PRSS36: variants seen among roughly 807,000 people sequenced by gnomAD.
The protein encoded by PRSS36 is serine protease 36, also known as polyserase-2.
Under a neutral mutation model 94.3 loss-of-function variants are expected in PRSS36, and 90 were observed. The ratio of observed to expected loss-of-function variants is 0.95; its 90% CI spans 0.80 to 1.14. The LOEUF (loss-of-function observed/expected upper bound fraction) is 1.14. Ranked by LOEUF, PRSS36 falls within the 50% of genes most tolerant of loss-of-function variation. The probability of loss-of-function intolerance (pLI) is 0.00; values close to 1 mark genes in which losing one functional copy is unlikely to be tolerated. For missense variants in PRSS36, 1,158 were observed against 1,135.0 expected, an observed-to-expected ratio of 1.02 and a Z score of -0.29; for synonymous variants, 500 against 489.6, an observed-to-expected ratio of 1.02 and a Z score of -0.28.
intron 1 of PRSS36, 98 bp downstream of exon 1, chr16:31,149,901 C>T (rs770385805): frequency 5.8e-6 from 9 of 1,549,078 alleles, no homozygotes; most frequent in Non-Finnish European, 8.0e-6. Context: ...TTCTCTCTGA[C>T]TTCCTGCTCC....
chr16:31,141,116 G>A (rs1050683950), intron 12 of PRSS36, among the ~76,000 whole-genome samples: 1 of 152,120 alleles, frequency 6.6e-6, no homozygotes, highest in Non-Finnish European at 1.5e-5. Context: ...TAGTAGAGGG[G>A]TTTCACCATG....
chr16:31,148,284 TC>T, intron 5 of PRSS36, 110 bp downstream of exon 5: 1 of 1,213,584 alleles, frequency 8.2e-7, no homozygotes, highest in South Asian at 1.6e-5. Flanking sequence ...CCTCCAACGC[TC>T]CCCGCAGGCT....
chr16:31,149,048 G>A lies in PRSS36; in HGVS notation c.272+25C>T, dbSNP rs146320905. 10 of 1,562,510 alleles carry A rather than the reference G, an allele frequency of 6.4e-6. No individual in the cohort carries two copies. In the African/African-American group the frequency reaches 1.3e-4, roughly 21 times the overall value. On this transcript the variant is annotated intron_variant, in intron 4 of 14. Coordinates refer to ENST00000268281, the MANE Select transcript of PRSS36 (RefSeq NM_173502.5). ...CGGGGGCCAGCTTTTGGCGGAGAGG[G>A]GCCAGGACCAGGGCGAATACTCACG...
In PRSS36 at chr16:31,149,227, G is replaced by A. The variant is rs377306867; in HGVS notation, c.118C>T (p.Arg40Cys). Residue 40 changes from arginine (R) to cysteine (C), a missense_variant, in exon 4 of 15, where the codon CGC becomes TGC. Transcript: ENST00000268281. ...QEEPEDLDCG[R>C]PEPSARIVGG... Reference sequence around the variant, plus strand: ...ACGATGCGGGCCGAGGGCTCAGGGCGCCCGCAGTCTGCAACGGGGAGCCGT... The same window carrying A: ...ACGATGCGGGCCGAGGGCTCAGGGCACCCGCAGTCTGCAACGGGGAGCCGT... 53 of 1,556,502 alleles carry A rather than the reference G, an allele frequency of 3.4e-5. No individual in the cohort carries two copies. In the East Asian group the frequency reaches 4.3e-4, roughly 13 times the overall value.
Position 31,142,819 on chromosome 16 carries a change from A to G in PRSS36, c.1275T>C (p.Ala425=). The change falls in exon 9 of 15, where the codon GCT becomes GCC. Residue 425 remains alanine (A), a synonymous_variant. Coordinates refer to ENST00000268281, the MANE Select transcript of PRSS36 (RefSeq NM_173502.5). ...QLRTPVNLSA[A]SRPVCLPHPE... ...GGTGGGGTAGGCACACGGGCCGCGA[A>G]GCCGCGCTCAGGTTCACGGGCGTGC... The G allele has an allele frequency of 6.5e-7, 1 of 1,532,354 alleles. No individual in the cohort carries two copies. The highest frequency in any genetic ancestry group is 1.4e-5 in the African/African-American group (1 of 69,726). 94.9% of individuals were successfully genotyped at this position (1,532,354 alleles called of 1,614,324 possible). A position where few individuals can be genotyped will look rare whatever the true frequency, so the allele number is the denominator to read the frequency against.
chr16:31,140,434 G>A lies in PRSS36; in HGVS notation c.2168-19C>T. On this transcript the variant is annotated intron_variant, in intron 13 of 14. Coordinates refer to ENST00000268281, the MANE Select transcript of PRSS36 (RefSeq NM_173502.5). ...ACAGGGACTGGGGAGAGGAGACAAA[G>A]TTGTTCCAGGGCTCTGGCCTCCAGC... is the stretch of plus-strand genomic sequence containing the variant. The A allele has an allele frequency of 6.2e-7, 1 of 1,611,544 alleles. No homozygotes were observed. The highest frequency in any genetic ancestry group is 1.1e-5 in the South Asian group (1 of 90,668).
At position 31,141,578 on chromosome 16, in the gene PRSS36, C is replaced by T; in HGVS notation, c.1792G>A (p.Gly598Arg). 1 of 1,613,424 alleles carries T rather than the reference C, an allele frequency of 6.2e-7. No individual in the cohort carries two copies. Among genetic ancestry groups the T allele is most frequent in the Non-Finnish European group, 8.5e-7 (1 of 1,179,978 alleles). The change falls in exon 12 of 15, where the codon GGG (glycine) becomes AGG (arginine). Residue 598 changes from glycine (G) to arginine (R), a missense_variant. By Grantham distance (125) the Gly-to-Arg change is moderately radical (BLOSUM62 -2). Coordinates refer to ENST00000268281, the MANE Select transcript of PRSS36 (RefSeq NM_173502.5). The stretch of plus-strand genomic sequence containing the variant: ...TCTGCCAGCCAGGGCCACAGGACCC[C>T]CACTGGAGCAGCCTCCAGCCGCAGG... Reference protein sequence around the residue: ...CGLRLEAAPVGVLWPWLAEVH... With the variant: ...CGLRLEAAPVRVLWPWLAEVH...
rs758045489 is a variant in PRSS36, at chr16:31,142,993, G to C, written c.1101C>G (p.Asp367Glu). 6.5e-6 allele frequency: 9 copies of C among 1,388,206 alleles called. No individual in the cohort carries two copies. The highest frequency in any genetic ancestry group is 1.5e-5 in the African/African-American group (1 of 65,890). The allele number at this position is 1,388,206 out of a possible 1,614,324, so 86.0% of individuals were successfully genotyped here. The stretch of plus-strand genomic sequence containing the variant: ...GGGGTGGGCTGTCGGAGCTGTTCGG[G>C]CTGCGGGATGGGGGCCGAGGGACGT... ...WVLAPASCFL[D>E]PNSSDSPPRD... The change falls in exon 9 of 15, where the codon GAC (aspartate) becomes GAG (glutamate). Residue 367 changes from aspartate (D) to glutamate (E), a missense_variant and splice_region_variant. Physicochemically the swap from Asp to Glu is conservative, Grantham distance 45. Transcript: ENST00000268281.
At chr16:31,143,310 A>G (rs772310407) in intron 8 of PRSS36, 32 bp downstream of exon 8, 1 of 1,559,504 alleles carries the variant, frequency 6.4e-7, no homozygotes, top group South Asian at 1.2e-5. Flanking sequence ...GGGAGGGGCA[A>G]GGATCGGCTT....
rs908299344 is a variant in PRSS36, at chr16:31,139,546, C to T, written c.2290-130G>A. On this transcript the variant is annotated intron_variant, in intron 14 of 14. Coordinates refer to ENST00000268281, the MANE Select transcript of PRSS36 (RefSeq NM_173502.5). ...ACATCCAGGTCCCTGGTTTCTCTCC[C>T]GGGTCCAGCTAGGGTCCCATTTGGG... is the stretch of plus-strand genomic sequence containing the variant. The T allele has an allele frequency of 7.8e-5, 89 of 1,138,762 alleles. No homozygotes were observed. In the African/African-American group the frequency reaches 1.1e-3, roughly 14 times the overall value. 70.5% of individuals were successfully genotyped at this position (1,138,762 alleles called of 1,614,324 possible).
chr16:31,140,342 A>G lies in PRSS36; in HGVS notation c.2241T>C (p.Pro747=), dbSNP rs1274443118. ...CTGCATACAGGACACAGAGGGTTCC[A>G]GGGGGCAGGATGCCCTGATAGAGGC... The part of the protein sequence containing the change: ...CDCLYQGILP[P]GTLCVLYAEG... The change falls in exon 14 of 15, where the codon CCT becomes CCC. Residue 747 remains proline (P), a synonymous_variant. Transcript: ENST00000268281. 1.9e-6 allele frequency: 3 copies of G among 1,614,036 alleles called. No individual in the cohort carries two copies. In the Admixed American group the frequency reaches 5.0e-5, roughly 27 times the overall value.
intron 8 of PRSS36, among the ~76,000 whole-genome samples, 166 bp from the exon 9 acceptor site, chr16:31,143,159 C>A (rs564291035): frequency 1.6e-4 from 24 of 152,226 alleles, no homozygotes; most frequent in South Asian, 6.2e-4. Context: ...GATCGAACTT[C>A]TATCTACCAT....
chr16:31,142,480 C>T lies in PRSS36; in HGVS notation c.1521+1G>A, dbSNP rs1171443828. On this transcript the variant is annotated splice_donor_variant, in intron 10 of 14. Coordinates refer to ENST00000268281, the MANE Select transcript of PRSS36 (RefSeq NM_173502.5). LOFTEE classifies it high-confidence loss of function. ...CCGCGGGCCCCGCCCCCGCCGCTTA[C>T]CCAGCAGCTGCCCACCTCCTCCTTT... The T allele has an allele frequency of 2.1e-6, 3 of 1,462,842 alleles. No homozygotes were observed. The highest frequency in any genetic ancestry group is 2.7e-6 in the Non-Finnish European group (3 of 1,108,836). The allele number at this position is 1,462,842 out of a possible 1,614,324, so 90.6% of individuals were successfully genotyped here. A position where few individuals can be genotyped will look rare whatever the true frequency, so the allele number is the denominator to read the frequency against.
In PRSS36 at chr16:31,141,502, C is replaced by T; in HGVS notation, c.1868G>A (p.Gly623Asp). 6.2e-7 allele frequency: 1 copy of T among 1,612,858 alleles called. No homozygotes were observed. The change falls in exon 12 of 15, where the codon GGC becomes GAC. Residue 623 changes from glycine (G) to aspartate (D), a missense_variant. Physicochemically the swap from Gly to Asp is moderately conservative, Grantham distance 94. Coordinates refer to ENST00000268281, the MANE Select transcript of PRSS36 (RefSeq NM_173502.5). ...RVCTGILLAP[G>D]WVLAATHCVL... ...ACAGTGAGTGGCTGCCAGGACCCAG[C>T]CTGGGGCCAGGAGGATCCCAGTGCA...
Position 31,140,674 on chromosome 16 carries a change from G to C in PRSS36, c.1985C>G (p.Ser662Cys). 6.2e-7 allele frequency: 1 copy of C among 1,614,064 alleles called. No homozygotes were observed. The highest frequency in any genetic ancestry group is 8.5e-7 in the Non-Finnish European group (1 of 1,179,960). ...CAGCCGGATGCTGATGACCAAGCGGGATACCTGGTGGCCCTGTGGGAGGGA... is the reference window on the plus strand; with the variant it reads ...CAGCCGGATGCTGATGACCAAGCGGCATACCTGGTGGCCCTGTGGGAGGGA... ...ASSLPQGHQV[S>C]RLVISIRLPQ... The change falls in exon 13 of 15, where the codon TCC becomes TGC. Residue 662 changes from serine (S) to cysteine (C), a missense_variant. By Grantham distance (112) the Ser-to-Cys change is moderately radical. Coordinates refer to ENST00000268281, the MANE Select transcript of PRSS36 (RefSeq NM_173502.5).
intron 2 of PRSS36, 30 bp from the exon 3 acceptor site, chr16:31,149,528 C>T: frequency 1.1e-5 from 18 of 1,613,928 alleles, no homozygotes; most frequent in Non-Finnish European, 1.5e-5. Flanking sequence ...GAGAGGAGGA[C>T]ACTTGTGACT....
Position 31,142,466 on chromosome 16 carries a change from GC to G in PRSS36, c.1521+14del. On this transcript the variant is annotated intron_variant, in intron 10 of 14. Transcript: ENST00000268281. ...CTCGGGCCCGCGTTCCGCGGGCCCC[GC>G]CCCCGCCGCTTACCCAGCAGCTGCC... is the stretch of plus-strand genomic sequence containing the variant. 1.4e-6 allele frequency: 2 copies of G among 1,437,612 alleles called. No homozygotes were observed. Among genetic ancestry groups the G allele is most frequent in the East Asian group, 2.7e-5 (1 of 37,460 alleles). 89.1% of individuals were successfully genotyped at this position (1,437,612 alleles called of 1,614,324 possible).
At chr16:31,143,095 C>A in intron 8 of PRSS36, 102 bp from the exon 9 acceptor site, 3 of 1,378,300 alleles carry the variant, frequency 2.2e-6, no homozygotes, top group Non-Finnish European at 2.8e-6. Flanking sequence ...TGCATCCTGG[C>A]GGGATCCCCA....
rs1006599985 is a variant in PRSS36 at position 31,143,540 on chromosome 16, A to C, written c.970+48T>G. The C allele has an allele frequency of 1.9e-6, 3 of 1,609,378 alleles. No individual in the cohort carries two copies. The African/African-American group carries it at 4.0e-5, about 22-fold the overall frequency. ...ATCACTCCCAGCAGTCTCCATCCCA[A>C]CTCACTCTCCCATGTCCCGCTTACA... On this transcript the variant is annotated intron_variant, in intron 7 of 14. Coordinates refer to ENST00000268281, the MANE Select transcript of PRSS36 (RefSeq NM_173502.5).
Sources: allele counts gnomAD v4.1 joint callset (sites outside exome capture counted in the v4.1 genomes callset), GRCh38; gene constraint gnomAD v4.1.1; transcripts MANE v1.5; gene names NCBI Gene and HGNC (gene_info 2026-07-23, HGNC 2026-07-21).